PTPRD: variants seen among roughly 807,000 people sequenced by gnomAD.
PTPRD encodes the protein receptor-type tyrosine-protein phosphatase delta.
Under a neutral mutation model 214.5 loss-of-function variants are expected in PTPRD, and 34 were observed. The observed-to-expected ratio is 0.16, with a 90% CI of 0.12 to 0.21. The LOEUF (loss-of-function observed/expected upper bound fraction) is 0.21, where lower values mean the gene tolerates loss of function less well. Among genes scored for constraint, PTPRD ranks in the 10% least tolerant of loss-of-function variants. The pLI is 1.00. For synonymous variants in PTPRD, 1,128 were observed against 845.7 expected (o/e 1.33, Z -5.79); for missense variants, 2,545 against 2,398.7 (o/e 1.06, Z -1.27).
chr9:10,441,058 A>G (rs538681554), intron 2 of PTPRD, among the ~76,000 whole-genome samples: 1 of 151,772 alleles, frequency 6.6e-6, no homozygotes, highest in South Asian at 2.1e-4. Flanking sequence ...TAAAGCTATA[A>G]CCTTATTTAG....
chr9:9,039,844 G>A (rs957377068), intron 10 of PTPRD, among the ~76,000 whole-genome samples: 1 of 152,126 alleles, frequency 6.6e-6, no homozygotes, highest in African/African-American at 2.4e-5. Flanking sequence ...CTTCTGTGTA[G>A]ACTAACAATT....
chr9:10,119,078 T>C (rs1388715522), intron 3 of PTPRD, among the ~76,000 whole-genome samples: 1 of 151,896 alleles, frequency 6.6e-6, no homozygotes, highest in African/African-American at 2.4e-5. Flanking sequence ...AGAGTTCCAC[T>C]TAAGAAACAC....
chr9:8,563,092 G>C (rs2087122083), intron 14 of PTPRD, among the ~76,000 whole-genome samples: 1 of 152,138 alleles, frequency 6.6e-6, no homozygotes, highest in Non-Finnish European at 1.5e-5. Flanking sequence ...CAACATGAGT[G>C]AATATAGAAA....
At chr9:8,850,451 TAACTGAC>T (rs1201337364) in intron 11 of PTPRD, among the ~76,000 whole-genome samples, 1 of 152,058 alleles carries the variant, frequency 6.6e-6, no homozygotes, top group Non-Finnish European at 1.5e-5. Context: ...GTCAAAGAAG[TAACTGAC>T]AAAGAACAAC....
intron 39 of PTPRD, among the ~76,000 whole-genome samples, chr9:8,354,130 A>T (rs2076381911): frequency 6.6e-6 from 1 of 151,510 alleles, no homozygotes; most frequent in Non-Finnish European, 1.5e-5. Flanking sequence ...CCTTATTTAT[A>T]TTTATCCAAA....
chr9:9,969,194 T>C (rs903532889), intron 4 of PTPRD, among the ~76,000 whole-genome samples: 2 of 152,144 alleles, frequency 1.3e-5, no homozygotes, highest in Non-Finnish European at 2.9e-5. Context: ...GGATAGGATT[T>C]AGCGATCAAA....
chr9:10,603,916 T>C (rs551680662), intron 2 of PTPRD, among the ~76,000 whole-genome samples: 1 of 152,038 alleles, frequency 6.6e-6, no homozygotes, highest in South Asian at 2.1e-4. Flanking sequence ...GATTATTATA[T>C]GGATGAGAAG....
At chr9:9,791,721 T>C (rs760349600) in intron 5 of PTPRD, among the ~76,000 whole-genome samples, 3 of 152,178 alleles carry the variant, frequency 2.0e-5, no homozygotes, top group Non-Finnish European at 4.4e-5. Flanking sequence ...AGTCTTTCCT[T>C]TTAATTATGT....
intron 5 of PTPRD, among the ~76,000 whole-genome samples, chr9:9,936,823 C>G (rs1053363551): frequency 7.1e-5 from 10 of 141,650 alleles, no homozygotes; most frequent in African/African-American, 1.9e-4. Context: ...TTGGAACCAA[C>G]CCAAATGTCC....
intron 7 of PTPRD, among the ~76,000 whole-genome samples, chr9:9,700,354 G>A (rs2097471824): frequency 6.6e-6 from 1 of 152,006 alleles, no homozygotes; most frequent in Non-Finnish European, 1.5e-5. Context: ...CACACACAAT[G>A]AACAACAGCA....
At chr9:10,314,291 G>T (rs1298879699) in intron 3 of PTPRD, among the ~76,000 whole-genome samples, 3 of 151,824 alleles carry the variant, frequency 2.0e-5, no homozygotes, top group African/African-American at 7.2e-5. Context: ...GACAAGGTTG[G>T]AATAAAAAGG....
At chr9:9,132,359 G>C (rs1219531642) in intron 10 of PTPRD, among the ~76,000 whole-genome samples, 2 of 152,014 alleles carry the variant, frequency 1.3e-5, no homozygotes, top group African/African-American at 4.8e-5. Context: ...GCATGATTTG[G>C]GTAAAGTCCA....
chr9:10,260,881 G>A (rs1403820958), intron 3 of PTPRD, among the ~76,000 whole-genome samples: 2 of 151,660 alleles, frequency 1.3e-5, no homozygotes, highest in Non-Finnish European at 2.9e-5. Context: ...AAAAATTTAA[G>A]CGTGATTTTC....
Position 10,326,867 on chromosome 9 carries a change from G to C in PTPRD, c.-545+14096C>G, listed in dbSNP as rs1035770486. Among the ~76,000 whole-genome samples the C allele has an allele frequency of 5.9e-5, 9 of 151,422 alleles. No homozygotes were observed. In the East Asian group the frequency reaches 1.8e-3, roughly 30 times the overall value. ...ATTTATGATCATGAGATATCAATAA[G>C]ACAAGCTCTTTAAGGCAATGTGCAT... is the stretch of plus-strand genomic sequence containing the variant. On this transcript the variant is annotated intron_variant, in intron 3 of 45. Coordinates refer to ENST00000381196, the MANE Select transcript of PTPRD (RefSeq NM_002839.4).
At chr9:9,301,932 T>A (rs1276807700) in intron 9 of PTPRD, among the ~76,000 whole-genome samples, 1 of 151,908 alleles carries the variant, frequency 6.6e-6, no homozygotes, top group East Asian at 1.9e-4. Flanking sequence ...GAGTTTAAGA[T>A]ACGCATTTGT....
rs1192190465 is a variant in PTPRD at position 8,633,429 on chromosome 9, T to A, written c.240A>T (p.Ser80=). The A allele has an allele frequency of 6.2e-7, 1 of 1,612,622 alleles. No homozygotes were observed. ...TCCGTAAGGGTTGTATTCTGAGAAC[T>A]GATCCAGACCCATCGTCAAACTCTA... is the stretch of plus-strand genomic sequence containing the variant. ...EVIEFDDGSG[S]VLRIQPLRTP... Residue 80 remains serine (S), a synonymous_variant, in exon 14 of 46, where the codon TCA becomes TCT. Coordinates refer to ENST00000381196, the MANE Select transcript of PTPRD (RefSeq NM_002839.4).
At chr9:10,508,824 T>G (rs1234139148) in intron 2 of PTPRD, among the ~76,000 whole-genome samples, 1 of 151,920 alleles carries the variant, frequency 6.6e-6, no homozygotes, top group Non-Finnish European at 1.5e-5. Flanking sequence ...AGGAAAGCAT[T>G]AGGAGATATA....
chr9:9,484,843 G>T (rs900988718), intron 8 of PTPRD, among the ~76,000 whole-genome samples: 1 of 152,046 alleles, frequency 6.6e-6, no homozygotes, highest in African/African-American at 2.4e-5. Flanking sequence ...TATATACCCG[G>T]TTTTTATTTT....
intron 14 of PTPRD, among the ~76,000 whole-genome samples, chr9:8,547,299 A>C (rs971324176): frequency 6.6e-6 from 1 of 152,204 alleles, no homozygotes; most frequent in Non-Finnish European, 1.5e-5. Context: ...GATATAAAAA[A>C]CTTAATTTAG....
Sources: allele counts gnomAD v4.1 joint callset (sites outside exome capture counted in the v4.1 genomes callset), GRCh38; gene constraint gnomAD v4.1.1; transcripts MANE v1.5; gene names NCBI Gene and HGNC (gene_info 2026-07-23, HGNC 2026-07-21).